Variants in GRID1 observed in about 807,000 individuals in gnomAD.
The protein encoded by GRID1 is glutamate receptor ionotropic, delta-1.
In GRID1, 28 loss-of-function variants were observed where a neutral mutation model predicts 98.0. The observed-to-expected ratio is 0.29, with a 90% CI of 0.21 to 0.39. The LOEUF (loss-of-function observed/expected upper bound fraction) is 0.39, where lower values mean the gene tolerates loss of function less well. GRID1 is among the 10% of genes least tolerant of loss of function. GRID1 has a pLI of 1.00. For synonymous variants in GRID1, 553 were observed against 538.5 expected (o/e 1.03, Z -0.37); for missense variants, 1,111 against 1,340.5 (o/e 0.83, Z 2.67).
intron 4 of GRID1, among the ~76,000 whole-genome samples, chr10:86,013,148 T>A (rs972027447): frequency 6.6e-6 from 1 of 152,164 alleles, no homozygotes; most frequent in African/African-American, 2.4e-5. Context: ...ATTTCCCGAG[T>A]GTCTGTTTGG....
chr10:86,230,154 C>T (rs866869579), intron 2 of GRID1, among the ~76,000 whole-genome samples: 1 of 152,240 alleles, frequency 6.6e-6, no homozygotes, highest in African/African-American at 2.4e-5. Flanking sequence ...ACGAGCCCAA[C>T]TTGCCCCTGC....
chr10:86,114,862 T>C (rs762513498), intron 4 of GRID1, among the ~76,000 whole-genome samples: 1 of 152,174 alleles, frequency 6.6e-6, no homozygotes, highest in Non-Finnish European at 1.5e-5. Context: ...CATGGCTCCA[T>C]CATAAACCTG....
At chr10:85,877,994 G>A (rs895187152) in intron 5 of GRID1, among the ~76,000 whole-genome samples, 6 of 152,142 alleles carry the variant, frequency 3.9e-5, no homozygotes, top group Non-Finnish European at 8.8e-5. Context: ...AGGAGCCGAT[G>A]CAATCGACTG....
chr10:86,288,240 A>T (rs1847463301), intron 2 of GRID1, among the ~76,000 whole-genome samples: 1 of 152,312 alleles, frequency 6.6e-6, no homozygotes, highest in South Asian at 2.1e-4. Flanking sequence ...AGAGTCCCTC[A>T]TGTCTCCTGA....
At chr10:85,965,021 C>G (rs913605620) in intron 4 of GRID1, among the ~76,000 whole-genome samples, 1 of 152,068 alleles carries the variant, frequency 6.6e-6, no homozygotes, top group Non-Finnish European at 1.5e-5. Context: ...ATGCAGCCAA[C>G]AAACATATGA....
chr10:85,822,380 T>G (rs367907823), intron 8 of GRID1, among the ~76,000 whole-genome samples: 4 of 152,064 alleles, frequency 2.6e-5, no homozygotes, highest in Non-Finnish European at 5.9e-5. Flanking sequence ...GGGCTAAGGA[T>G]ATGAACAGAC....
At chr10:85,951,078 T>C (rs1842119174) in intron 4 of GRID1, among the ~76,000 whole-genome samples, 1 of 152,138 alleles carries the variant, frequency 6.6e-6, no homozygotes, top group Non-Finnish European at 1.5e-5. Context: ...TCCCCGGTCA[T>C]TGGATGTTTC....
At chr10:86,230,093 C>T (rs1846427043) in intron 2 of GRID1, among the ~76,000 whole-genome samples, 2 of 152,200 alleles carry the variant, frequency 1.3e-5, no homozygotes, top group Admixed American at 1.3e-4. Flanking sequence ...CTCCTCCTCC[C>T]GGCCTTAGCC....
chr10:85,832,836 C>T lies in GRID1; in HGVS notation c.1233+21660G>A, dbSNP rs1452640924. On this transcript the variant is annotated intron_variant, in intron 8 of 15. Coordinates refer to ENST00000327946, the MANE Select transcript of GRID1 (RefSeq NM_017551.3). ...CCCAGCCAGACCAGACAAGCAATAC[C>T]AAAAGGACAATCAATCAGAAGTCCT... Among the ~76,000 whole-genome samples, 7 of 152,218 alleles carry T rather than the reference C, an allele frequency of 4.6e-5. No individual in the cohort carries two copies. In the South Asian group the frequency reaches 1.2e-3, roughly 27 times the overall value.
At chr10:86,179,134 C>G (rs1370811182) in intron 3 of GRID1, among the ~76,000 whole-genome samples, 1 of 152,098 alleles carries the variant, frequency 6.6e-6, no homozygotes, top group Non-Finnish European at 1.5e-5. Context: ...CCCCCCAAGA[C>G]AGTACACAGG....
intron 8 of GRID1, among the ~76,000 whole-genome samples, chr10:85,741,192 A>T (rs1841939532): frequency 6.6e-6 from 1 of 151,926 alleles, no homozygotes; most frequent in Non-Finnish European, 1.5e-5. Context: ...CTTTTCTTAG[A>T]CTCAGGGTCC....
chr10:86,050,907 A>G (rs1056168795), intron 4 of GRID1, among the ~76,000 whole-genome samples: 8 of 151,786 alleles, frequency 5.3e-5, no homozygotes, highest in Admixed American at 3.9e-4. Flanking sequence ...AAAAAAAAAA[A>G]AAAAGAATAG....
chr10:86,121,524 CATCACCATCATCACCATCACCATT>C (rs1844672083), intron 4 of GRID1, among the ~76,000 whole-genome samples: 3 of 151,656 alleles, frequency 2.0e-5, no homozygotes, highest in East Asian at 1.9e-4. Context: ...TCACTACCAT[CATCACCATCATCACCATCACCATT>C]ATCTCACCAT....
chr10:86,184,572 T>A (rs751150157), intron 3 of GRID1, among the ~76,000 whole-genome samples: 1 of 151,956 alleles, frequency 6.6e-6, no homozygotes, highest in Non-Finnish European at 1.5e-5. Context: ...TTGAAATCAT[T>A]TGTCCATATA....
intron 3 of GRID1, among the ~76,000 whole-genome samples, chr10:86,162,730 A>G (rs1845340613): frequency 6.6e-6 from 1 of 152,182 alleles, no homozygotes; most frequent in Non-Finnish European, 1.5e-5. Context: ...TCCATGACCC[A>G]CTGCTTGGAG....
chr10:85,925,177 G>A (rs190487210), intron 4 of GRID1, among the ~76,000 whole-genome samples: 1 of 152,252 alleles, frequency 6.6e-6, no homozygotes, highest in African/African-American at 2.4e-5. Flanking sequence ...TAATTTCCCT[G>A]CCACCTGGAG....
intron 8 of GRID1, among the ~76,000 whole-genome samples, chr10:85,757,674 T>C (rs1450960416): frequency 6.6e-6 from 1 of 152,186 alleles, no homozygotes; most frequent in Non-Finnish European, 1.5e-5. Flanking sequence ...AGTTGGTCCA[T>C]GTACTATGTA....
intron 4 of GRID1, among the ~76,000 whole-genome samples, chr10:86,033,513 A>C (rs1843214545): frequency 6.6e-6 from 1 of 152,196 alleles, no homozygotes; most frequent in Non-Finnish European, 1.5e-5. Flanking sequence ...AAATACAATC[A>C]AACTCTGCAG....
intron 2 of GRID1, among the ~76,000 whole-genome samples, chr10:86,312,073 C>T (rs4934178): frequency 0.51 from 77,224 of 152,118 alleles, 23,858 homozygotes; most frequent in Non-Finnish European, 0.67. Context: ...TGACTGCCAC[C>T]GCACAGGCTC....
Sources: allele counts gnomAD v4.1 joint callset (sites outside exome capture counted in the v4.1 genomes callset), GRCh38; gene constraint gnomAD v4.1.1; transcripts MANE v1.5; gene names NCBI Gene and HGNC (gene_info 2026-07-23, HGNC 2026-07-21).